Variants in GARNL3 observed in about 807,000 individuals in gnomAD.
The protein encoded by GARNL3 is GTPase activating Rap/RanGAP domain like 3.
In GARNL3, 63 loss-of-function variants were observed where a neutral mutation model predicts 125.0. That is an observed-to-expected ratio of 0.50 (90% CI 0.41 to 0.62). The LOEUF is 0.62. Ranked by LOEUF, GARNL3 falls within the 20% of genes least tolerant of loss-of-function variation. GARNL3 has a pLI of 0.00. For synonymous variants in GARNL3, 439 were observed against 457.5 expected (o/e 0.96, Z 0.52); for missense variants, 994 against 1,244.0 (o/e 0.80, Z 3.02).
upstream of GARNL3, among the ~76,000 whole-genome samples, chr9:127,258,830 C>T (rs773141310): frequency 6.6e-6 from 1 of 152,168 alleles, no homozygotes; most frequent in African/African-American, 2.4e-5. Flanking sequence ...CTCTGTCCCT[C>T]AATAAGGAGA....
chr9:127,344,162 G>A, intron 14 of GARNL3, 73 bp from the exon 15 acceptor site: 1 of 972,986 alleles, frequency 1.0e-6, no homozygotes, highest in Non-Finnish European at 1.6e-6. Flanking sequence ...AAATAGTTTT[G>A]TGCACTATGA....
intron 1 of GARNL3, among the ~76,000 whole-genome samples, chr9:127,241,088 C>A (rs1405181729): frequency 6.6e-6 from 1 of 152,206 alleles, no homozygotes; most frequent in Non-Finnish European, 1.5e-5. Flanking sequence ...TCAGTAGTGG[C>A]TAGTGGCTAC....
chr9:127,250,951 A>G (rs1030134969), intron 2 of GARNL3, among the ~76,000 whole-genome samples: 10 of 152,156 alleles, frequency 6.6e-5, no homozygotes, highest in Non-Finnish European at 1.5e-4. Flanking sequence ...TTTTTCCTCA[A>G]GGAGGTTATG....
At chr9:127,334,258 T>A (rs764680748) in intron 9 of GARNL3, among the ~76,000 whole-genome samples, 55 of 152,176 alleles carry the variant, frequency 3.6e-4, no homozygotes, top group Non-Finnish European at 6.9e-4. Flanking sequence ...TGTGTAGCAT[T>A]GCTAGCTTTT....
intron 1 of GARNL3, among the ~76,000 whole-genome samples, chr9:127,268,894 G>A (rs1468760796): frequency 6.6e-6 from 1 of 152,106 alleles, no homozygotes; most frequent in Admixed American, 6.5e-5. Flanking sequence ...TGTTTTCAGG[G>A]TTCATCCATG....
At chr9:127,333,798 G>A (rs1829399143) in intron 9 of GARNL3, among the ~76,000 whole-genome samples, 3 of 152,288 alleles carry the variant, frequency 2.0e-5, no homozygotes, top group Non-Finnish European at 2.9e-5. Context: ...AGTAGGAGAG[G>A]GGGCATGACC....
intron 14 of GARNL3, among the ~76,000 whole-genome samples, chr9:127,342,790 T>G (rs979812994): frequency 6.6e-6 from 1 of 151,978 alleles, no homozygotes; most frequent in Non-Finnish European, 1.5e-5. Context: ...GAAACAAGCA[T>G]TCCCATTTAC....
At chr9:127,278,139 AATAC>A (rs1355169466) in intron 1 of GARNL3, among the ~76,000 whole-genome samples, 4 of 152,220 alleles carry the variant, frequency 2.6e-5, no homozygotes, top group Admixed American at 2.6e-4. Flanking sequence ...TTATGAAAGG[AATAC>A]ATAGTCATTA....
At chr9:127,344,793 G>A (rs1830051001) in intron 15 of GARNL3, among the ~76,000 whole-genome samples, 1 of 152,176 alleles carries the variant, frequency 6.6e-6, no homozygotes, top group South Asian at 2.1e-4. Context: ...ACCAAGTTAG[G>A]TGGTGCCCAG....
upstream of GARNL3, chr9:127,264,760 G>A (rs1420900928): frequency 1.3e-5 from 17 of 1,276,164 alleles, no homozygotes; most frequent in Admixed American, 4.0e-5. Flanking sequence ...TTTATTGAGG[G>A]CTCCATGAAA....
At chr9:127,342,784 C>G (rs1829930962) in intron 14 of GARNL3, among the ~76,000 whole-genome samples, 1 of 151,878 alleles carries the variant, frequency 6.6e-6, no homozygotes. Flanking sequence ...GGCACTGAAA[C>G]AAGCATTCCC....
In GARNL3 at chr9:127,391,533, A is replaced by AT. The variant is rs1554741685; in HGVS notation, c.2870+766_2870+767insT. Among the ~76,000 whole-genome samples the AT allele has an allele frequency of 3.1e-3, 236 of 75,870 alleles. 18 individuals carry two copies. Among genetic ancestry groups the AT allele is most frequent in the African/African-American group, 6.6e-3 (169 of 25,512 alleles). 49.8% of individuals were successfully genotyped at this position (75,870 alleles called of 152,430 possible). A position where few individuals can be genotyped will look rare whatever the true frequency, so the allele number is the denominator to read the frequency against. On this transcript the variant is annotated intron_variant, in intron 27 of 27. Transcript: ENST00000373387. ...GCAAGACCCATCTCTACAAAAAAAA[A>AT]ATATATATATATATATATAGGCTGG...
chr9:127,344,538 AAC>A (rs1830035675), intron 15 of GARNL3, among the ~76,000 whole-genome samples, 199 bp downstream of exon 15: 1 of 152,230 alleles, frequency 6.6e-6, no homozygotes, highest in Admixed American at 6.5e-5. Flanking sequence ...CTGAGAGAGC[AAC>A]ACTCTGCAGA....
chr9:127,367,843 A>G (rs919043697), intron 22 of GARNL3, among the ~76,000 whole-genome samples: 2 of 138,602 alleles, frequency 1.4e-5, no homozygotes, highest in South Asian at 2.3e-4. Context: ...AATAGTAAGA[A>G]TACAAAACCT....
intron 2 of GARNL3, among the ~76,000 whole-genome samples, chr9:127,310,755 C>CA (rs1388186118): frequency 7.0e-5 from 9 of 128,988 alleles, no homozygotes; most frequent in African/African-American, 2.7e-4. Flanking sequence ...GCCTGTGCAA[C>CA]AGAGTAAGAC....
At chr9:127,308,875 G>A (rs1257696130) in intron 2 of GARNL3, among the ~76,000 whole-genome samples, 2 of 152,202 alleles carry the variant, frequency 1.3e-5, no homozygotes. Flanking sequence ...TATTGTATAT[G>A]TGTGTATGTT....
chr9:127,371,744 ATG>A (rs1393446803), intron 22 of GARNL3, among the ~76,000 whole-genome samples: 1 of 152,248 alleles, frequency 6.6e-6, no homozygotes, highest in African/African-American at 2.4e-5. Context: ...CATATCATTA[ATG>A]TGTTATATAT....
chr9:127,345,358 C>T (rs755209164), intron 15 of GARNL3, 45 bp from the exon 16 acceptor site: 3 of 1,252,288 alleles, frequency 2.4e-6, no homozygotes, highest in Non-Finnish European at 3.4e-6. Flanking sequence ...TCCTGCTGTA[C>T]TTTTGCCGCC....
intron 1 of GARNL3, among the ~76,000 whole-genome samples, chr9:127,289,525 G>A (rs2064351689): frequency 6.6e-6 from 1 of 152,216 alleles, no homozygotes; most frequent in South Asian, 2.1e-4. Flanking sequence ...GTGGAATGTT[G>A]CTCATCAAAG....
Sources: gnomAD v4.1 joint callset for allele counts (sites outside exome capture counted in the v4.1 genomes callset) on GRCh38, gnomAD v4.1.1 for gene constraint, MANE v1.5 for transcripts, NCBI Gene and HGNC (gene_info 2026-07-23, HGNC 2026-07-21) for gene names.